Variants in TRHDE observed in about 807,000 individuals in gnomAD.
TRHDE encodes thyrotropin releasing hormone degrading enzyme, also known as thyrotropin-releasing hormone-degrading ectoenzyme.
In TRHDE, 72 loss-of-function variants were observed where a neutral mutation model predicts 125.7. The ratio of observed to expected loss-of-function variants is 0.57; its 90% CI spans 0.47 to 0.70. TRHDE has a LOEUF of 0.70. Ranked by LOEUF, TRHDE falls within the 30% of genes least tolerant of loss-of-function variation. The pLI is 0.00. For synonymous variants in TRHDE, 509 were observed against 509.1 expected (o/e 1.00, Z 0.00); for missense variants, 1,110 against 1,327.1 (o/e 0.84, Z 2.54).
chr12:72,442,742 T>G (rs371409928), intron 3 of TRHDE, among the ~76,000 whole-genome samples: 4 of 151,826 alleles, frequency 2.6e-5, no homozygotes, highest in East Asian at 3.9e-4. Flanking sequence ...GTCTCAATTG[T>G]TTGTGCTCCC....
At chr12:72,134,961 C>T (rs1310502348) in intron 2 of TRHDE, among the ~76,000 whole-genome samples, 2 of 151,972 alleles carry the variant, frequency 1.3e-5, no homozygotes, top group Non-Finnish European at 2.9e-5. Flanking sequence ...ACGCTAGACT[C>T]TTTATGTTTG....
chr12:72,426,949 C>T (rs1158198490), intron 3 of TRHDE, among the ~76,000 whole-genome samples: 10 of 151,940 alleles, frequency 6.6e-5, no homozygotes, highest in Admixed American at 6.6e-4. Flanking sequence ...ACTTTAGTGG[C>T]CAAATGTCAC....
chr12:72,600,126 T>C (rs748998789), intron 12 of TRHDE, among the ~76,000 whole-genome samples: 8 of 152,200 alleles, frequency 5.3e-5, no homozygotes, highest in Non-Finnish European at 1.0e-4. Flanking sequence ...ACCATTACCA[T>C]GGTGTTTTGG....
chr12:72,258,493 C>A (rs545708710), intron 2 of TRHDE, among the ~76,000 whole-genome samples: 1 of 152,222 alleles, frequency 6.6e-6, no homozygotes, highest in Admixed American at 6.5e-5. Context: ...TAGAGCTGCA[C>A]AGTGAGAGCC....
At chr12:72,424,134 A>G (rs1453923094) in intron 3 of TRHDE, among the ~76,000 whole-genome samples, 2 of 152,104 alleles carry the variant, frequency 1.3e-5, no homozygotes, top group East Asian at 3.9e-4. Context: ...GCCCAAAACT[A>G]AGGTGTCAAT....
At chr12:72,099,792 C>G (rs1203476485) in intron 1 of TRHDE, among the ~76,000 whole-genome samples, 3 of 152,142 alleles carry the variant, frequency 2.0e-5, no homozygotes. Context: ...AGTTCAGGCT[C>G]AAGATGGCAA....
chr12:72,343,937 C>A (rs1393476654), intron 2 of TRHDE, among the ~76,000 whole-genome samples: 5 of 151,806 alleles, frequency 3.3e-5, no homozygotes, highest in African/African-American at 1.2e-4. Context: ...CTGTCTAAAC[C>A]AGTTTTATGG....
intron 3 of TRHDE, among the ~76,000 whole-genome samples, chr12:72,397,283 C>T (rs1163556123): frequency 2.0e-5 from 3 of 152,336 alleles, no homozygotes; most frequent in African/African-American, 4.8e-5. Flanking sequence ...TAATTCTCCA[C>T]ATTTTCGCTG....
chr12:72,535,540 T>C (rs1868811259), intron 6 of TRHDE, among the ~76,000 whole-genome samples: 1 of 152,162 alleles, frequency 6.6e-6, no homozygotes, highest in African/African-American at 2.4e-5. Context: ...ATTAATTTTC[T>C]TTCCCCTTTC....
At chr12:72,281,243 C>T (rs1010103708) in intron 1 of TRHDE, among the ~76,000 whole-genome samples, 4 of 152,280 alleles carry the variant, frequency 2.6e-5, no homozygotes, top group African/African-American at 9.6e-5. Flanking sequence ...AGGAGTACTT[C>T]TCTTCTGAAA....
intron 8 of TRHDE, among the ~76,000 whole-genome samples, chr12:72,562,502 T>TAA (rs5799081): frequency 2.0e-5 from 3 of 151,364 alleles, no homozygotes; most frequent in East Asian, 1.9e-4. Flanking sequence ...ATATTCATGT[T>TAA]AAAAAAAAAT....
intron 2 of TRHDE, chr12:72,253,473 T>G (rs534851848): frequency 6.6e-6 from 1 of 152,244 alleles, no homozygotes; most frequent in Non-Finnish European, 1.5e-5. Context: ...GAGAAAAGCA[T>G]TCTGTCTTTC....
chr12:72,339,255 T>A (rs1869970586), intron 2 of TRHDE, among the ~76,000 whole-genome samples: 1 of 152,198 alleles, frequency 6.6e-6, no homozygotes, highest in South Asian at 2.1e-4. Flanking sequence ...TTACCTTATA[T>A]TTTACTGAAA....
At chr12:72,476,707 T>C (rs925351587) in intron 5 of TRHDE, among the ~76,000 whole-genome samples, 18 of 152,106 alleles carry the variant, frequency 1.2e-4, no homozygotes, top group African/African-American at 3.9e-4. Context: ...GAAAAACAAT[T>C]TTATCTGCTA....
chr12:72,210,232 A>G (rs529888225), intron 2 of TRHDE, among the ~76,000 whole-genome samples: 9 of 148,650 alleles, frequency 6.1e-5, no homozygotes, highest in African/African-American at 2.0e-4. Flanking sequence ...TAGCATATCT[A>G]TCTTTTGGGT....
intron 2 of TRHDE, among the ~76,000 whole-genome samples, chr12:72,370,898 A>G (rs1871551078): frequency 6.6e-6 from 1 of 152,018 alleles, no homozygotes; most frequent in South Asian, 2.1e-4. Context: ...ATGCACCACC[A>G]TGCTCAGCTA....
intron 2 of TRHDE, among the ~76,000 whole-genome samples, chr12:72,250,264 A>T (rs1878651770): frequency 6.6e-6 from 1 of 152,192 alleles, no homozygotes; most frequent in Admixed American, 6.5e-5. Flanking sequence ...TTATACTTAA[A>T]ATGAGTGTTT....
chr12:72,363,753 G>A lies in TRHDE; in HGVS notation c.1189-14242G>A, dbSNP rs1871223496. On this transcript the variant is annotated intron_variant, in intron 2 of 18. Transcript: ENST00000261180. ...TCTCACCACTCCTATTCAACATAGT[G>A]TTGGAAGTTCTAGCCAGGGCAATGA... Among the ~76,000 whole-genome samples, 12 of 152,164 alleles carry A rather than the reference G, an allele frequency of 7.9e-5. No homozygotes were observed. In the South Asian group the frequency reaches 2.5e-3, roughly 32 times the overall value.
At chr12:72,354,712 T>A (rs1870734549) in intron 2 of TRHDE, among the ~76,000 whole-genome samples, 1 of 148,720 alleles carries the variant, frequency 6.7e-6, no homozygotes, top group Non-Finnish European at 1.5e-5. Flanking sequence ...CCGATTTTCT[T>A]ATTTTATAAT....
Sources: allele counts gnomAD v4.1 joint callset (sites outside exome capture counted in the v4.1 genomes callset), GRCh38; gene constraint gnomAD v4.1.1; transcripts MANE v1.5; gene names NCBI Gene and HGNC (gene_info 2026-07-23, HGNC 2026-07-21).